The following SYTL4 variants were observed in gnomAD, a reference collection of about 807,000 sequenced individuals.
The protein encoded by SYTL4 is synaptotagmin like 4.
SYTL4 carries 16 observed loss-of-function variants against 52.7 expected under a neutral mutation model. The ratio of observed to expected loss-of-function variants is 0.30; its 90% CI spans 0.21 to 0.46. The LOEUF (loss-of-function observed/expected upper bound fraction) is 0.46. SYTL4 is among the 20% of genes least tolerant of loss of function. The pLI, the probability that SYTL4 is intolerant of heterozygous loss-of-function variation, is 1.00. For synonymous variants in SYTL4, 160 were observed against 186.6 expected, an observed-to-expected ratio of 0.86 and a Z score of 1.16; for missense variants, 423 against 519.9, an observed-to-expected ratio of 0.81 and a Z score of 1.81.
intron 8 of SYTL4, among the ~76,000 whole-genome samples, chrX:100,698,338 T>C (rs182404603): frequency 0.029 from 3,223 of 111,135 alleles, 40 homozygotes; most frequent in Middle Eastern, 0.042. Flanking sequence ...CTCCTGACCT[T>C]GTGATCCGCC....
intron 14 of SYTL4, 73 bp from the exon 15 acceptor site, chrX:100,686,854 T>C: frequency 1.1e-6 from 1 of 915,295 alleles, no homozygotes; most frequent in Non-Finnish European, 1.6e-6. Flanking sequence ...CTCCTCTCCA[T>C]ATAGATATGC....
intron 2 of SYTL4, among the ~76,000 whole-genome samples, chrX:100,723,237 AGCCTGCCGAGTGCCTGCGATC>A (rs1471332412): frequency 9.0e-6 from 1 of 111,546 alleles, no homozygotes; most frequent in Non-Finnish European, 1.9e-5. Flanking sequence ...CTCCTGCCTC[AGCCTGCCGAGTGCCTGCGATC>A]GCAGGCGCGC....
At chrX:100,681,102 C>A (rs2083365026) in intron 17 of SYTL4, 125 bp downstream of exon 17, 5 of 529,896 alleles carry the variant, frequency 9.4e-6, no homozygotes, top group Non-Finnish European at 1.6e-5. Flanking sequence ...AAGGAATCTC[C>A]CTAGCAGATC....
chrX:100,720,586 A>T (rs2084320925), intron 2 of SYTL4, among the ~76,000 whole-genome samples: 1 of 112,211 alleles, frequency 8.9e-6, no homozygotes, highest in African/African-American at 3.2e-5. Context: ...AGACCATGTC[A>T]CCTAAAAATT....
chrX:100,723,186 A>G (rs2084376802), intron 2 of SYTL4, among the ~76,000 whole-genome samples: 2 of 112,400 alleles, frequency 1.8e-5, no homozygotes, highest in African/African-American at 6.5e-5. Flanking sequence ...GCTGGACTGT[A>G]CTGCTGCCAT....
chrX:100,703,372 AT>A (rs2083895205), intron 3 of SYTL4, among the ~76,000 whole-genome samples, 187 bp from the exon 4 acceptor site: 1 of 111,356 alleles, frequency 9.0e-6, no homozygotes, highest in African/African-American at 3.3e-5. Flanking sequence ...TCTGGAAAAA[AT>A]TTTTTTTAAT....
chrX:100,723,755 C>A (rs1282310588), intron 2 of SYTL4, among the ~76,000 whole-genome samples: 2 of 107,020 alleles, frequency 1.9e-5, no homozygotes, highest in Admixed American at 2.0e-4. Flanking sequence ...AAGTGAGGAG[C>A]CCCTCCGCCC....
chrX:100,692,706 C>A (rs763413588), intron 8 of SYTL4, among the ~76,000 whole-genome samples: 8 of 110,444 alleles, frequency 7.2e-5, no homozygotes, highest in Non-Finnish European at 1.3e-4. Flanking sequence ...TCCCTTGGCT[C>A]CCCGGACACC....
At position 100,675,371 on chromosome X, in the gene SYTL4, A is replaced by C. The variant is rs1199997583; in HGVS notation, c.*657T>G. The C allele has an allele frequency of 1.8e-5, 2 of 112,780 alleles. No homozygotes were observed. Among genetic ancestry groups the C allele is most frequent in the Non-Finnish European group, 3.7e-5 (2 of 53,339 alleles). 9.3% of individuals were successfully genotyped at this position (112,780 alleles called of 1,213,427 possible). A position where few individuals can be genotyped will look rare whatever the true frequency, so the allele number is the denominator to read the frequency against. On this transcript the variant is annotated 3_prime_UTR_variant, in exon 20 of 20. Coordinates refer to ENST00000372989, the MANE Select transcript of SYTL4 (RefSeq NM_001370165.1). Reference sequence around the variant, plus strand: ...ATAAGAGTCCCCCAAAGGTCTAGTAAAGATATCTAGAACTGGAAAAAGCTT... The same window carrying C: ...ATAAGAGTCCCCCAAAGGTCTAGTACAGATATCTAGAACTGGAAAAAGCTT...
At chrX:100,730,128 G>T (rs2084611270) in intron 2 of SYTL4, among the ~76,000 whole-genome samples, 1 of 110,522 alleles carries the variant, frequency 9.0e-6, no homozygotes, top group Non-Finnish European at 1.9e-5. Flanking sequence ...AGAATCCAGG[G>T]TTACCCTCCC....
chrX:100,726,122 A>G (rs1203815590), intron 2 of SYTL4, among the ~76,000 whole-genome samples: 1 of 108,006 alleles, frequency 9.3e-6, no homozygotes, highest in Non-Finnish European at 1.9e-5. Flanking sequence ...AATTCCCCAT[A>G]CTAGATTGTC....
At chrX:100,696,045 T>C (rs763248009) in intron 8 of SYTL4, among the ~76,000 whole-genome samples, 3 of 112,143 alleles carry the variant, frequency 2.7e-5, no homozygotes, top group Non-Finnish European at 5.6e-5. Context: ...CATTGCTGAG[T>C]AGTATTCCAC....
intron 6 of SYTL4, 31 bp from the exon 7 acceptor site, chrX:100,701,360 G>A (rs775457659): frequency 8.5e-7 from 1 of 1,174,826 alleles, no homozygotes. Flanking sequence ...ATGACAGATG[G>A]ATAAAGAATG....
At chrX:100,717,497 A>G (rs1168321994) in intron 2 of SYTL4, among the ~76,000 whole-genome samples, 1 of 113,281 alleles carries the variant, frequency 8.8e-6, no homozygotes, top group African/African-American at 3.2e-5. Context: ...AGCAAGTAAT[A>G]CAATGATGCT....
chrX:100,716,450 CAAAAAAAAAAAAAAAAAAA>C (rs200368843), intron 2 of SYTL4, among the ~76,000 whole-genome samples: 7 of 25,773 alleles, frequency 2.7e-4, no homozygotes, highest in Non-Finnish European at 3.3e-4. Context: ...AACTCCATCT[CAAAAAAAAAAAAAAAAAAA>C]AAAAAAAAAA....
At chrX:100,712,767 G>A (rs1209970224) in intron 2 of SYTL4, among the ~76,000 whole-genome samples, 2 of 111,873 alleles carry the variant, frequency 1.8e-5, no homozygotes, top group African/African-American at 6.5e-5. Context: ...AGAACTCTCA[G>A]AACTCTACAA....
chrX:100,700,352 T>TA (rs760301071), intron 8 of SYTL4, among the ~76,000 whole-genome samples: 29 of 112,186 alleles, frequency 2.6e-4, no homozygotes, highest in African/African-American at 9.4e-4. Flanking sequence ...TCTTTTACTT[T>TA]AAAAAAACAT....
At chrX:100,725,771 G>C (rs983016280) in intron 2 of SYTL4, among the ~76,000 whole-genome samples, 2 of 111,586 alleles carry the variant, frequency 1.8e-5, no homozygotes, top group Admixed American at 9.5e-5. Flanking sequence ...GTAGGATCCT[G>C]ACTGTAGGCT....
intron 2 of SYTL4, among the ~76,000 whole-genome samples, chrX:100,725,711 C>T (rs1194074236): frequency 9.0e-6 from 1 of 111,556 alleles, no homozygotes; most frequent in African/African-American, 3.3e-5. Context: ...TCAGCCATAC[C>T]TCAAGCATCT....
Sources: allele counts gnomAD v4.1 joint callset (sites outside exome capture counted in the v4.1 genomes callset), GRCh38; gene constraint gnomAD v4.1.1; transcripts MANE v1.5; gene names NCBI Gene and HGNC (gene_info 2026-07-23, HGNC 2026-07-21).